Variants in CHRNB4 observed in about 807,000 individuals in gnomAD.
CHRNB4 encodes the protein neuronal acetylcholine receptor subunit beta-4.
CHRNB4 carries 23 observed loss-of-function variants against 40.4 expected under a neutral mutation model. That is an observed-to-expected ratio of 0.57 (90% CI 0.41 to 0.81). CHRNB4 has a LOEUF of 0.81. CHRNB4 is among the 30% of genes least tolerant of loss of function. CHRNB4 has a pLI of 0.00. For synonymous variants in CHRNB4, 285 were observed against 274.4 expected, an observed-to-expected ratio of 1.04 and a Z score of -0.38; for missense variants, 568 against 670.6, an observed-to-expected ratio of 0.85 and a Z score of 1.69.
Position 78,629,957 on chromosome 15 carries a change from C to A in CHRNB4, c.360-12G>T. The A allele has an allele frequency of 1.3e-6, 2 of 1,550,420 alleles. No homozygotes were observed. Among genetic ancestry groups the A allele is most frequent in the South Asian group, 1.2e-5 (1 of 82,444 alleles). Reference sequence around the variant, plus strand: ...AGGTCCCGTCGGCGCTGGGCAGGGTCAGGGCATGGAGAACATCGTGAAACC... The same window carrying A: ...AGGTCCCGTCGGCGCTGGGCAGGGTAAGGGCATGGAGAACATCGTGAAACC... On this transcript the variant is annotated splice_polypyrimidine_tract_variant and intron_variant, in intron 4 of 5. Coordinates refer to ENST00000261751, the MANE Select transcript of CHRNB4 (RefSeq NM_000750.5). The surrounding 1 kb of genome is among the most constrained non-coding windows in gnomAD (Gnocchi z 6.8).
rs546390166 is a variant in CHRNB4 at position 78,629,836 on chromosome 15, C to T, written c.469G>A (p.Val157Met). The T allele has an allele frequency of 6.2e-7, 1 of 1,614,078 alleles. No individual in the cohort carries two copies. The highest frequency in any genetic ancestry group is 1.1e-5 in the South Asian group (1 of 91,078). Residue 157 changes from valine (V) to methionine (M), a missense_variant, in exon 5 of 6, where the codon GTG (valine) becomes ATG (methionine). Transcript: ENST00000261751. This position sits in a 1 kb window ranked among gnomAD's most constrained non-coding sequence, Gnocchi z 6.8. ...TGCTGGTCGAAGGGAAAGTACTTCA[C>T]CTCAATCTTGCAGGCGCTCTTGTAG... ...AIYKSACKIE[V>M]KYFPFDQQNC...
At chr15:78,661,135 G>T, upstream of CHRNB4, 1 of 622,004 alleles carries the variant, frequency 1.6e-6, no homozygotes. Context: ...GCTGTGCGGC[G>T]TTCCTGGGGC....
intron 2 of CHRNB4, among the ~76,000 whole-genome samples, 190 bp downstream of exon 2, chr15:78,635,249 A>T (rs1197979794): frequency 6.6e-6 from 1 of 152,208 alleles, no homozygotes; most frequent in Non-Finnish European, 1.5e-5. Flanking sequence ...CTTTGTTAGA[A>T]CAAAATCATG....
chr15:78,639,890 G>A (rs2054033669), intron 1 of CHRNB4, among the ~76,000 whole-genome samples: 1 of 152,174 alleles, frequency 6.6e-6, no homozygotes, highest in African/African-American at 2.4e-5. Flanking sequence ...GTCCAGGATG[G>A]TGAAAGAAAT....
chr15:78,635,650 G>A, intron 1 of CHRNB4, 63 bp from the exon 2 acceptor site: 1 of 1,599,784 alleles, frequency 6.3e-7, no homozygotes, highest in Non-Finnish European at 8.5e-7. Context: ...TGCAGCCTGT[G>A]GCAGCAGGGA....
Position 78,629,366 on chromosome 15 carries a change from G to A in CHRNB4, c.939C>T (p.Ser313=), listed in dbSNP as rs761640501. The A allele has an allele frequency of 1.5e-5, 24 of 1,614,012 alleles. No individual in the cohort carries two copies. The Admixed American group carries it at 3.2e-4, about 21-fold the overall frequency. The change falls in exon 5 of 6, where the codon AGC becomes AGT. Residue 313 remains serine, a synonymous_variant. Transcript: ENST00000261751. This position sits in a 1 kb window ranked among gnomAD's most constrained non-coding sequence, Gnocchi z 6.8. ...MVLVTFSIVT[S]VCVLNVHHRS... ...GGTGGTGCACATTGAGCACACAGAC[G>A]CTGGTGACGATGGAGAAGGTGACCA...
chr15:78,634,103 TAAAC>T (rs1182596523), intron 2 of CHRNB4, among the ~76,000 whole-genome samples: 9 of 151,994 alleles, frequency 5.9e-5, no homozygotes, highest in Admixed American at 3.9e-4. Context: ...CTCAAATAAA[TAAAC>T]AAACCCTGGC....
intron 7 of CHRNB4, among the ~76,000 whole-genome samples, chr15:78,646,557 G>C: frequency 6.6e-6 from 1 of 152,196 alleles, no homozygotes; most frequent in South Asian, 2.1e-4. Flanking sequence ...TCCAAGATCA[G>C]GGTGCCACCA....
intron 6 of CHRNB4, among the ~76,000 whole-genome samples, chr15:78,651,811 T>A (rs972936284): frequency 6.6e-6 from 1 of 152,184 alleles, no homozygotes; most frequent in African/African-American, 2.4e-5. Context: ...CTTCCTTTCT[T>A]TAGCAGCTCC....
At chr15:78,636,855 C>T (rs1365908541) in intron 1 of CHRNB4, among the ~76,000 whole-genome samples, 4 of 152,164 alleles carry the variant, frequency 2.6e-5, no homozygotes, top group South Asian at 2.1e-4. Flanking sequence ...TACTACATTT[C>T]GAGGGTAACA....
At chr15:78,654,694 G>C (rs2054198439) in intron 5 of CHRNB4, among the ~76,000 whole-genome samples, 1 of 152,092 alleles carries the variant, frequency 6.6e-6, no homozygotes, top group Non-Finnish European at 1.5e-5. Flanking sequence ...CTCATCTAAG[G>C]TCTGGTGAAA....
intron 6 of CHRNB4, among the ~76,000 whole-genome samples, chr15:78,652,376 G>A (rs11634351): frequency 0.28 from 42,061 of 152,264 alleles, 7,464 homozygotes; most frequent in Non-Finnish European, 0.41. Flanking sequence ...AGGCCACAGA[G>A]CCAGTAGCAT....
chr15:78,649,237 T>C (rs899682677), intron 7 of CHRNB4: 1 of 272,760 alleles, frequency 3.7e-6, no homozygotes, highest in African/African-American at 2.3e-5. Context: ...GTCCAATGCC[T>C]AGCCCTTCCA....
chr15:78,657,632 C>T (rs1380562199), intron 2 of CHRNB4, among the ~76,000 whole-genome samples: 1 of 149,806 alleles, frequency 6.7e-6, no homozygotes. Context: ...CGGCTCACTG[C>T]AAGCTCAGCC....
intron 1 of CHRNB4, among the ~76,000 whole-genome samples, chr15:78,636,520 T>C (rs535276409): frequency 6.6e-6 from 1 of 152,214 alleles, no homozygotes; most frequent in Non-Finnish European, 1.5e-5. Flanking sequence ...TCTCTACCTC[T>C]ACCCCAGATA....
At chr15:78,631,818 T>C (rs562563269) in intron 2 of CHRNB4, among the ~76,000 whole-genome samples, 109 of 152,296 alleles carry the variant, frequency 7.2e-4, no homozygotes, top group African/African-American at 1.1e-3. Context: ...CAATCCCTTC[T>C]ACTAATTGTT....
At chr15:78,632,454 C>T (rs1431734444) in intron 2 of CHRNB4, among the ~76,000 whole-genome samples, 4 of 151,954 alleles carry the variant, frequency 2.6e-5, no homozygotes, top group African/African-American at 4.8e-5. Context: ...ACTACAGGCA[C>T]AGGCCACCAT....
chr15:78,639,444 G>A (rs937046342), intron 1 of CHRNB4, among the ~76,000 whole-genome samples: 1 of 151,994 alleles, frequency 6.6e-6, no homozygotes, highest in Non-Finnish European at 1.5e-5. Flanking sequence ...GACTACAGGC[G>A]CCTGCTACCA....
At position 78,624,867 on chromosome 15, in the gene CHRNB4, T is replaced by A. The variant is rs1051608883; in HGVS notation, c.*266A>T. The A allele has an allele frequency of 5.0e-6, 6 of 1,205,768 alleles. No homozygotes were observed. In the African/African-American group the frequency reaches 9.2e-5, roughly 18 times the overall value. 74.7% of individuals were successfully genotyped at this position (1,205,768 alleles called of 1,614,324 possible). On this transcript the variant is annotated 3_prime_UTR_variant, in exon 6 of 6. Transcript: ENST00000261751. ...TGCTACGAAGTCATCTTTATCCCCATTGCCCGGTGCAGGGAAGGAAGACAG... is the reference window on the plus strand; with the variant it reads ...TGCTACGAAGTCATCTTTATCCCCAATGCCCGGTGCAGGGAAGGAAGACAG...
Sources: gnomAD v4.1 joint callset for allele counts (sites outside exome capture counted in the v4.1 genomes callset) on GRCh38, gnomAD v4.1.1 for gene constraint, Gnocchi (gnomAD v3.1) non-coding constraint, MANE v1.5 for transcripts, NCBI Gene and HGNC (gene_info 2026-07-23, HGNC 2026-07-21) for gene names.